The following UBASH3B variants were observed in gnomAD, a reference collection of about 807,000 sequenced individuals.
The protein encoded by UBASH3B is ubiquitin associated and SH3 domain containing B.
Under a neutral mutation model 83.4 loss-of-function variants are expected in UBASH3B, and 37 were observed. The observed-to-expected ratio is 0.44, with a 90% confidence interval of 0.34 to 0.58. UBASH3B has a LOEUF of 0.58. UBASH3B is among the 20% of genes least tolerant of loss of function. UBASH3B has a pLI of 0.01. For missense variants in UBASH3B, 657 were observed against 827.2 expected (o/e 0.79, Z 2.52); for synonymous variants, 304 against 318.3 (o/e 0.96, Z 0.48).
chr11:122,656,247 C>CCG (rs762194126), intron 1 of UBASH3B, 37 bp downstream of exon 1: 3 of 1,368,558 alleles, frequency 2.2e-6, no homozygotes, highest in Non-Finnish European at 1.9e-6. Flanking sequence ...GCGACCCCTC[C>CCG]CGCGCGCGCG....
At chr11:122,760,643 G>A (rs527565046) in intron 1 of UBASH3B, among the ~76,000 whole-genome samples, 2 of 152,278 alleles carry the variant, frequency 1.3e-5, no homozygotes, top group South Asian at 2.1e-4. Context: ...TTACAGGTGT[G>A]AGCCACTGCA....
chr11:122,720,060 C>G (rs1044377930), intron 1 of UBASH3B, among the ~76,000 whole-genome samples: 1 of 152,150 alleles, frequency 6.6e-6, no homozygotes, highest in Non-Finnish European at 1.5e-5. Context: ...CTAAACTCAC[C>G]CCCATAGTAG....
chr11:122,662,827 A>G (rs969529091), intron 1 of UBASH3B, among the ~76,000 whole-genome samples: 1 of 152,074 alleles, frequency 6.6e-6, no homozygotes, highest in Admixed American at 6.6e-5. Flanking sequence ...TTCCTTCAGC[A>G]TATTTTTTAG....
intron 1 of UBASH3B, among the ~76,000 whole-genome samples, chr11:122,661,858 CCAAAAAAAAAAAAAA>C (rs1349136820): frequency 2.1e-5 from 2 of 96,854 alleles, no homozygotes; most frequent in Admixed American, 1.0e-4. Context: ...GGTCCTGGTT[CCAAAAAAAAAAAAAA>C]CAAAAAAAAA....
intron 1 of UBASH3B, among the ~76,000 whole-genome samples, chr11:122,730,954 G>C (rs1860834657): frequency 2.6e-5 from 4 of 152,138 alleles, no homozygotes; most frequent in Admixed American, 2.6e-4. Flanking sequence ...TTCCCTCCCT[G>C]ACAGTGGAAC....
At chr11:122,691,982 A>T (rs554789763) in intron 1 of UBASH3B, among the ~76,000 whole-genome samples, 24 of 152,194 alleles carry the variant, frequency 1.6e-4, no homozygotes, top group Non-Finnish European at 2.8e-4. Flanking sequence ...GGATAAGCTC[A>T]GAGTCCAGGC....
At chr11:122,805,182 A>G (rs1861317059) in intron 11 of UBASH3B, among the ~76,000 whole-genome samples, 1 of 152,250 alleles carries the variant, frequency 6.6e-6, no homozygotes, top group Non-Finnish European at 1.5e-5. Flanking sequence ...TCACGTCTTA[A>G]CATGGATTGC....
intron 1 of UBASH3B, among the ~76,000 whole-genome samples, chr11:122,675,050 C>T (rs1417436855): frequency 2.0e-5 from 3 of 152,134 alleles, no homozygotes; most frequent in Non-Finnish European, 4.4e-5. Context: ...TTAATAAACC[C>T]ATTTTACAGA....
chr11:122,790,248 C>T (rs184894821), intron 6 of UBASH3B, among the ~76,000 whole-genome samples: 18 of 152,200 alleles, frequency 1.2e-4, no homozygotes, highest in African/African-American at 2.6e-4. Flanking sequence ...ATAAAGGTCC[C>T]CTACCCTAGT....
intron 1 of UBASH3B, among the ~76,000 whole-genome samples, chr11:122,712,670 A>G (rs575924015): frequency 3.9e-5 from 6 of 152,128 alleles, no homozygotes; most frequent in African/African-American, 1.2e-4. Context: ...GGAGAACTCC[A>G]TGGGTTTCAC....
At chr11:122,795,413 A>G (rs987549368) in intron 7 of UBASH3B, among the ~76,000 whole-genome samples, 3 of 152,224 alleles carry the variant, frequency 2.0e-5, no homozygotes, top group Non-Finnish European at 2.9e-5. Context: ...TAACCACGTC[A>G]GGGCAACTAG....
At position 122,713,281 on chromosome 11, in the gene UBASH3B, G is replaced by A. The variant is rs561907509; in HGVS notation, c.161+57071G>A. Among the ~76,000 whole-genome samples, 6 of 152,242 alleles carry A rather than the reference G, an allele frequency of 3.9e-5. No individual in the cohort carries two copies. The South Asian group carries it at 8.3e-4, about 21-fold the overall frequency. ...GCTCTCTTTAGGGCACACAGGAGGT[G>A]CACTGTAGATCCCAAGAATAGCCAC... is the stretch of plus-strand genomic sequence containing the variant. On this transcript the variant is annotated intron_variant, in intron 1 of 13. Transcript: ENST00000284273.
intron 1 of UBASH3B, among the ~76,000 whole-genome samples, chr11:122,768,508 G>GTGTGTGTGTGTGTGTGTA (rs557159523): frequency 2.6e-4 from 35 of 134,400 alleles, no homozygotes; most frequent in South Asian, 2.1e-3. Flanking sequence ...GTGTGTGTGT[G>GTGTGTGTGTGTGTGTGTA]TATATATATA....
At chr11:122,800,719 C>T (rs1861242849) in intron 10 of UBASH3B, among the ~76,000 whole-genome samples, 2 of 151,966 alleles carry the variant, frequency 1.3e-5, no homozygotes, top group South Asian at 4.1e-4. Flanking sequence ...AGTGATTCTC[C>T]TGCCTCAGCC....
At chr11:122,724,753 C>T (rs1318395349) in intron 1 of UBASH3B, among the ~76,000 whole-genome samples, 3 of 151,882 alleles carry the variant, frequency 2.0e-5, no homozygotes, top group Non-Finnish European at 2.9e-5. Flanking sequence ...CCAGCATGTG[C>T]AGGAAATGAC....
At chr11:122,776,302 T>C (rs757689819) in intron 2 of UBASH3B, 30 bp downstream of exon 2, 12 of 1,586,862 alleles carry the variant, frequency 7.6e-6, no homozygotes, top group Non-Finnish European at 6.9e-6. Flanking sequence ...ATTGAGAAAA[T>C]AGCATATAAT....
At chr11:122,658,884 T>A (rs1863397310) in intron 1 of UBASH3B, among the ~76,000 whole-genome samples, 1 of 152,204 alleles carries the variant, frequency 6.6e-6, no homozygotes, top group Non-Finnish European at 1.5e-5. Flanking sequence ...CTCTCACAAT[T>A]GTAGAGACCA....
intron 1 of UBASH3B, among the ~76,000 whole-genome samples, chr11:122,721,348 A>G (rs1033416570): frequency 1.3e-5 from 2 of 151,394 alleles, no homozygotes; most frequent in African/African-American, 2.4e-5. Flanking sequence ...GTTCACTTAG[A>G]GTAAGCAAAT....
chr11:122,663,509 C>T (rs986179771), intron 1 of UBASH3B, among the ~76,000 whole-genome samples: 1 of 152,210 alleles, frequency 6.6e-6, no homozygotes, highest in African/African-American at 2.4e-5. Flanking sequence ...GTCCAGCTCC[C>T]TTTCAGGGAG....
Sources: gnomAD v4.1 joint callset for allele counts (sites outside exome capture counted in the v4.1 genomes callset) on GRCh38, gnomAD v4.1.1 for gene constraint, MANE v1.5 for transcripts, NCBI Gene and HGNC (gene_info 2026-07-23, HGNC 2026-07-21) for gene names.